GPBP1L1: variants seen among roughly 807,000 people sequenced by gnomAD.
The protein encoded by GPBP1L1 is vasculin-like protein 1.
GPBP1L1 carries 23 observed loss-of-function variants against 52.5 expected under a neutral mutation model. The observed-to-expected ratio is 0.44, with a 90% confidence interval of 0.32 to 0.62. The LOEUF (loss-of-function observed/expected upper bound fraction) is 0.62, where lower values mean the gene tolerates loss of function less well. Among genes scored for constraint, GPBP1L1 ranks in the 20% least tolerant of loss-of-function variants. The pLI, the probability that GPBP1L1 is intolerant of heterozygous loss-of-function variation, is 0.06. For synonymous variants in GPBP1L1, 243 were observed against 203.1 expected, an observed-to-expected ratio of 1.20 and a Z score of -1.67; for missense variants, 596 against 579.3, an observed-to-expected ratio of 1.03 and a Z score of -0.30.
intron 2 of GPBP1L1, among the ~76,000 whole-genome samples, chr1:45,684,439 A>C (rs750018073): frequency 6.6e-6 from 1 of 152,048 alleles, no homozygotes; most frequent in Non-Finnish European, 1.5e-5. Context: ...TCAAAATTAA[A>C]AATGAATTAC....
intron 6 of GPBP1L1, among the ~76,000 whole-genome samples, chr1:45,642,759 G>T (rs560059768): frequency 6.6e-6 from 1 of 152,282 alleles, no homozygotes; most frequent in East Asian, 1.9e-4. Context: ...TAAATAAACA[G>T]ACTAAATGTG....
chr1:45,651,655 G>A (rs1644820843), intron 6 of GPBP1L1: 1 of 678,072 alleles, frequency 1.5e-6, no homozygotes, highest in Non-Finnish European at 2.7e-6. Flanking sequence ...TGATATAGCA[G>A]GGCCATTTCA....
At chr1:45,665,738 C>T (rs1332175539) in intron 2 of GPBP1L1, among the ~76,000 whole-genome samples, 7 of 115,450 alleles carry the variant, frequency 6.1e-5, no homozygotes, top group Non-Finnish European at 1.3e-4. Context: ...AGCGAGACGC[C>T]GTCTTAAAAA....
At chr1:45,647,672 A>AG (rs1644767545) in intron 6 of GPBP1L1, among the ~76,000 whole-genome samples, 1 of 152,190 alleles carries the variant, frequency 6.6e-6, no homozygotes, top group African/African-American at 2.4e-5. Context: ...GTGAGCTCAG[A>AG]GACCAGCAGC....
intron 6 of GPBP1L1, chr1:45,651,080 T>C (rs1406154329): frequency 7.9e-6 from 4 of 504,248 alleles, no homozygotes; most frequent in Middle Eastern, 6.6e-4. Flanking sequence ...AGCTTGGCAA[T>C]GCGAGTCACA....
intron 2 of GPBP1L1, among the ~76,000 whole-genome samples, chr1:45,677,155 G>T (rs930120257): frequency 6.6e-6 from 1 of 151,824 alleles, no homozygotes; most frequent in Non-Finnish European, 1.5e-5. Context: ...GGCCAATGTG[G>T]TGAAACCCCA....
chr1:45,628,065 A>C lies in GPBP1L1; in HGVS notation c.*191T>G. The C allele has an allele frequency of 1.7e-6, 1 of 595,970 alleles. No homozygotes were observed. The highest frequency in any genetic ancestry group is 2.9e-5 in the East Asian group (1 of 34,784). 36.9% of individuals were successfully genotyped at this position (595,970 alleles called of 1,614,324 possible). ...TGTCCCACCACACAAACTTCTCTCTATAAAGCAGATAACAGGGAAGAACAA... is the reference window on the plus strand; with the variant it reads ...TGTCCCACCACACAAACTTCTCTCTCTAAAGCAGATAACAGGGAAGAACAA... On this transcript the variant is annotated 3_prime_UTR_variant, in exon 13 of 13. Transcript: ENST00000355105.
chr1:45,659,795 G>A (rs971547642), intron 3 of GPBP1L1, among the ~76,000 whole-genome samples: 3 of 152,046 alleles, frequency 2.0e-5, no homozygotes, highest in African/African-American at 7.2e-5. Context: ...TAATAAAGGA[G>A]CCAGGTGTGG....
At chr1:45,633,672 G>C (rs1445854030) in intron 9 of GPBP1L1, 25 bp from the exon 10 acceptor site, 1 of 1,609,336 alleles carries the variant, frequency 6.2e-7, no homozygotes, top group African/African-American at 1.3e-5. Context: ...CAAACAGGTT[G>C]CTCCTGACAG....
intron 2 of GPBP1L1, among the ~76,000 whole-genome samples, chr1:45,670,912 CCTCCCGAGTAGCTGGGACTACAGGCG>C (rs1188430970): frequency 6.6e-6 from 1 of 151,066 alleles, no homozygotes; most frequent in Non-Finnish European, 1.5e-5. Flanking sequence ...CCTGCCTCAG[CCTCCCGAGTAGCTGGGACTACAGGCG>C]CCCGCCACCA....
At chr1:45,632,567 T>G (rs1644543679) in intron 10 of GPBP1L1, among the ~76,000 whole-genome samples, 1 of 151,586 alleles carries the variant, frequency 6.6e-6, no homozygotes, top group South Asian at 2.1e-4. Flanking sequence ...AATACAAAAA[T>G]TAGCTGGGCG....
At chr1:45,658,476 TAAAAA>T (rs1014504086) in intron 4 of GPBP1L1, among the ~76,000 whole-genome samples, 1 of 151,770 alleles carries the variant, frequency 6.6e-6, no homozygotes, top group East Asian at 1.9e-4. Flanking sequence ...GTGAGATACT[TAAAAA>T]AAGAAAAAAA....
chr1:45,662,356 G>A (rs1048176368), intron 2 of GPBP1L1, among the ~76,000 whole-genome samples: 2 of 152,094 alleles, frequency 1.3e-5, no homozygotes, highest in African/African-American at 4.8e-5. Context: ...TGTTGCCCAG[G>A]CTGGTCTTGA....
chr1:45,678,414 A>G (rs547216570), intron 2 of GPBP1L1, among the ~76,000 whole-genome samples: 1 of 152,238 alleles, frequency 6.6e-6, no homozygotes, highest in South Asian at 2.1e-4. Flanking sequence ...AAGGGGAAAG[A>G]TTGTTTAATA....
intron 6 of GPBP1L1, among the ~76,000 whole-genome samples, chr1:45,644,578 A>C (rs901423144): frequency 6.6e-6 from 1 of 151,722 alleles, no homozygotes; most frequent in Non-Finnish European, 1.5e-5. Context: ...TTACTAACCC[A>C]TTGTGTCTCC....
intron 2 of GPBP1L1, among the ~76,000 whole-genome samples, chr1:45,673,879 T>C (rs1036912791): frequency 6.6e-6 from 1 of 151,922 alleles, no homozygotes; most frequent in Non-Finnish European, 1.5e-5. Flanking sequence ...ACAAAAAAAA[T>C]TGTTTTCTAC....
At position 45,655,282 on chromosome 1, in the gene GPBP1L1, A is replaced by G; in HGVS notation, c.98T>C (p.Leu33Pro). 1.2e-6 allele frequency: 2 copies of G among 1,614,120 alleles called. No individual in the cohort carries two copies. The highest frequency in any genetic ancestry group is 2.2e-5 in the East Asian group (1 of 44,880). Residue 33 changes from leucine to proline, a missense_variant, in exon 5 of 13, where the codon CTA becomes CCA. Leu to Pro is a moderately conservative substitution (Grantham distance 98). Transcript: ENST00000355105. The stretch of plus-strand genomic sequence containing the variant: ...TCCAAATCTACCTTCTCCTCTGGGT[A>G]GGTGCTCTCCGTGTTTTTCGAAGGT... ...TATFEKHGEHLPRGEGRFGVS... is the reference protein window; with the variant it reads ...TATFEKHGEHPPRGEGRFGVS...
intron 3 of GPBP1L1, among the ~76,000 whole-genome samples, chr1:45,659,637 C>G (rs183220020): frequency 6.6e-4 from 100 of 152,170 alleles, no homozygotes; most frequent in African/African-American, 2.3e-3. Context: ...TAACTTCTAG[C>G]AAAAGCAGTA....
chr1:45,630,479 T>TA lies in GPBP1L1; in HGVS notation c.1169+2dup. ...CATGCCCTGTGATGTCCTCCTCACT[T>TA]ACCTGTGCTCTGCTTCTAGAGAGTG... is the stretch of plus-strand genomic sequence containing the variant. On this transcript the variant is annotated splice_region_variant and intron_variant, in intron 11 of 12. Transcript: ENST00000355105. 6.2e-7 allele frequency: 1 copy of TA among 1,613,838 alleles called. No individual in the cohort carries two copies. The highest frequency in any genetic ancestry group is 8.5e-7 in the Non-Finnish European group (1 of 1,179,786).
Sources: allele counts gnomAD v4.1 joint callset (sites outside exome capture counted in the v4.1 genomes callset), GRCh38; gene constraint gnomAD v4.1.1; transcripts MANE v1.5; gene names NCBI Gene and HGNC (gene_info 2026-07-23, HGNC 2026-07-21).